RALGPS1: variants seen among roughly 807,000 people sequenced by gnomAD.
The protein encoded by RALGPS1 is ras-specific guanine nucleotide-releasing factor RalGPS1.
In RALGPS1, 19 loss-of-function variants were observed where a neutral mutation model predicts 78.8. The ratio of observed to expected loss-of-function variants is 0.24; its 90% CI spans 0.17 to 0.35. RALGPS1 has a LOEUF of 0.35. Ranked by LOEUF, RALGPS1 falls within the 10% of genes least tolerant of loss-of-function variation. The pLI is 1.00. For missense variants in RALGPS1, 454 were observed against 688.3 expected (o/e 0.66, Z 3.81); for synonymous variants, 228 against 256.3 (o/e 0.89, Z 1.06).
intron 5 of RALGPS1, among the ~76,000 whole-genome samples, chr9:127,037,814 T>C (rs1264348141): frequency 6.6e-6 from 1 of 152,254 alleles, no homozygotes; most frequent in Non-Finnish European, 1.5e-5. Flanking sequence ...GCTTGTGGCC[T>C]ATCTTGTTTG....
intron 8 of RALGPS1, among the ~76,000 whole-genome samples, chr9:127,149,219 G>A (rs907301291): frequency 3.9e-5 from 6 of 152,200 alleles, no homozygotes; most frequent in African/African-American, 1.2e-4. Flanking sequence ...AGCAGCTGCT[G>A]CTATTGCAGA....
At chr9:127,101,341 T>G (rs908631776) in intron 8 of RALGPS1, among the ~76,000 whole-genome samples, 2 of 152,248 alleles carry the variant, frequency 1.3e-5, no homozygotes, top group African/African-American at 4.8e-5. Flanking sequence ...GTCCACCTTC[T>G]GTGCTGCAGT....
intron 7 of RALGPS1, among the ~76,000 whole-genome samples, chr9:127,057,006 A>G (rs1281622685): frequency 6.6e-6 from 1 of 152,120 alleles, no homozygotes; most frequent in Admixed American, 6.5e-5. Context: ...GGTCAGTGCT[A>G]TGATAGTTTT....
chr9:127,032,014 A>C (rs1268194920), intron 4 of RALGPS1, among the ~76,000 whole-genome samples: 1 of 152,240 alleles, frequency 6.6e-6, no homozygotes. Flanking sequence ...GGGAAAAAGA[A>C]GACGTTTGGC....
rs77421902 is a variant in RALGPS1, at chr9:126,934,590, CAG to C, written c.-66+19616_-66+19617del. ...CAGGCAGCCTCTGCGAGCCACAAAA[CAG>C]GGGATGTGTTAGGGGCTTCTTCACC... On this transcript the variant is annotated intron_variant, in intron 1 of 18. Transcript: ENST00000259351. 3.7e-4 allele frequency among the ~76,000 whole-genome samples: 56 copies of C among 152,310 alleles called. No individual in the cohort carries two copies. The East Asian group carries it at 6.4e-3, about 17-fold the overall frequency.
chr9:127,055,208 A>ATCTGTCTGTCTGTCTGTCTGTCTG (rs1554809728), intron 7 of RALGPS1, among the ~76,000 whole-genome samples: 167 of 92,052 alleles, frequency 1.8e-3, no homozygotes, highest in African/African-American at 6.5e-3. Context: ...TTTTCTATCT[A>ATCTGTCTGTCTGTCTGTCTGTCTG]TCTATCTGTC....
In RALGPS1 at chr9:127,183,173, G is replaced by T. The variant is rs1396602293; in HGVS notation, c.910+8391G>T. 9.1e-6 allele frequency among the ~76,000 whole-genome samples: 1 copy of T among 109,450 alleles called. No homozygotes were observed. Among genetic ancestry groups the T allele is most frequent in the Non-Finnish European group, 2.1e-5 (1 of 48,370 alleles). The allele number at this position is 109,450 out of a possible 152,430, so 71.8% of individuals were successfully genotyped here. A position where few individuals can be genotyped will look rare whatever the true frequency, so the allele number is the denominator to read the frequency against. ...GCCCCCGACCCAGTCACCCCACCAGGCCTCGCCTCCAACACTGGGAATCAC... is the reference window on the plus strand; with the variant it reads ...GCCCCCGACCCAGTCACCCCACCAGTCCTCGCCTCCAACACTGGGAATCAC... On this transcript the variant is annotated intron_variant, in intron 11 of 18. Transcript: ENST00000259351. This position sits in a 1 kb window ranked among gnomAD's most constrained non-coding sequence, Gnocchi z 4.0.
chr9:126,956,925 C>G (rs956615770), intron 1 of RALGPS1, among the ~76,000 whole-genome samples: 3 of 152,194 alleles, frequency 2.0e-5, no homozygotes, highest in South Asian at 2.1e-4. Context: ...CGGACTCTTG[C>G]AAGAGGCAGT....
chr9:127,184,351 C>CCCTCTAAAT lies in RALGPS1; in HGVS notation c.910+9570_910+9578dup, dbSNP rs2060496788. On this transcript the variant is annotated intron_variant, in intron 11 of 18. Coordinates refer to ENST00000259351, the MANE Select transcript of RALGPS1 (RefSeq NM_014636.3). ...AAAAAAAAAAAGGAAATGAACCAGGCCCTCTAAATGATGTGTGAGACAGCT... is the reference window on the plus strand; with the variant it reads ...AAAAAAAAAAAGGAAATGAACCAGGCCCTCTAAATCCTCTAAATGATGTGTGAGACAGCT... The CCCTCTAAAT allele has an allele frequency of 1.2e-5, 4 of 334,112 alleles. No individual in the cohort carries two copies. The Admixed American group carries it at 1.7e-4, about 15-fold the overall frequency. The allele number at this position is 334,112 out of a possible 1,614,324, so 20.7% of individuals were successfully genotyped here. A position where few individuals can be genotyped will look rare whatever the true frequency, so the allele number is the denominator to read the frequency against.
At chr9:127,078,904 C>T (rs2050923577) in intron 8 of RALGPS1, among the ~76,000 whole-genome samples, 1 of 152,156 alleles carries the variant, frequency 6.6e-6, no homozygotes, top group Admixed American at 6.5e-5. Context: ...ACTGCATTAT[C>T]TCATTTAATC....
chr9:127,027,314 A>G (rs371187742), intron 4 of RALGPS1, among the ~76,000 whole-genome samples: 3 of 152,206 alleles, frequency 2.0e-5, no homozygotes, highest in South Asian at 4.2e-4. Context: ...TGAACACGCA[A>G]CCTGTTTTGA....
chr9:127,073,566 C>T (rs1161977847), intron 8 of RALGPS1, among the ~76,000 whole-genome samples: 1 of 151,896 alleles, frequency 6.6e-6, no homozygotes, highest in African/African-American at 2.4e-5. Flanking sequence ...AATACTGCTG[C>T]AATAAACATA....
At chr9:127,056,652 G>A (rs2048769810) in intron 7 of RALGPS1, among the ~76,000 whole-genome samples, 1 of 152,168 alleles carries the variant, frequency 6.6e-6, no homozygotes, top group South Asian at 2.1e-4. Flanking sequence ...CACCTGTCTG[G>A]TAACAGCACG....
At chr9:126,952,106 C>T (rs2037881649) in intron 1 of RALGPS1, among the ~76,000 whole-genome samples, 1 of 152,210 alleles carries the variant, frequency 6.6e-6, no homozygotes, top group African/African-American at 2.4e-5. Flanking sequence ...ATCCAACTTA[C>T]AAGGGACGTG....
chr9:126,978,410 T>A (rs1209064647), intron 4 of RALGPS1: 1 of 152,050 alleles, frequency 6.6e-6, no homozygotes, highest in Non-Finnish European at 1.5e-5. Context: ...GTTTGGCAAT[T>A]GATAACAAGG....
chr9:127,142,581 C>T (rs1588140624), intron 8 of RALGPS1, among the ~76,000 whole-genome samples: 1 of 152,152 alleles, frequency 6.6e-6, no homozygotes, highest in African/African-American at 2.4e-5. Context: ...CGCAGGAGGG[C>T]CTCCAAGCTC....
chr9:127,217,195 T>C, intron 18 of RALGPS1: 1 of 1,232,206 alleles, frequency 8.1e-7, no homozygotes, highest in Non-Finnish European at 1.0e-6. Flanking sequence ...ATGGCAAGGC[T>C]ACAAGTTTTA....
chr9:127,148,088 T>C (rs2058202006), intron 8 of RALGPS1, among the ~76,000 whole-genome samples: 1 of 152,258 alleles, frequency 6.6e-6, no homozygotes, highest in Admixed American at 6.5e-5. Flanking sequence ...ACTACTGATA[T>C]ATAATTATAC....
chr9:127,009,663 GC>G (rs2044169688), intron 4 of RALGPS1, among the ~76,000 whole-genome samples: 1 of 152,124 alleles, frequency 6.6e-6, no homozygotes, highest in Non-Finnish European at 1.5e-5. Context: ...CTGTTCTGTG[GC>G]CTTGGACAGT....
Sources: gnomAD v4.1 joint callset for allele counts (sites outside exome capture counted in the v4.1 genomes callset) on GRCh38, gnomAD v4.1.1 for gene constraint, Gnocchi (gnomAD v3.1) non-coding constraint, MANE v1.5 for transcripts, NCBI Gene and HGNC (gene_info 2026-07-23, HGNC 2026-07-21) for gene names.